The following LYG1 variants were observed in gnomAD, a reference collection of about 807,000 sequenced individuals.
The protein encoded by LYG1 is lysozyme g-like protein 1.
Under a neutral mutation model 21.7 loss-of-function variants are expected in LYG1, and 17 were observed. The ratio of observed to expected loss-of-function variants is 0.78; its 90% confidence interval spans 0.54 to 1.18. The LOEUF is 1.18. Ranked by LOEUF, LYG1 falls within the 50% of genes most tolerant of loss-of-function variation. The pLI is 0.00. For synonymous variants in LYG1, 81 were observed against 87.4 expected, an observed-to-expected ratio of 0.93 and a Z score of 0.41; for missense variants, 211 against 238.1, an observed-to-expected ratio of 0.89 and a Z score of 0.75.
Position 99,292,985 on chromosome 2 carries a change from CTT to C in LYG1, c.44-347_44-346del, listed in dbSNP as rs70940159. On this transcript the variant is annotated intron_variant, in intron 3 of 6. Transcript: ENST00000308528. ...TCCCTGTAAAGTAGTCCTCATCTTA[CTT>C]TTTTTTTTTTTTTTTTTTTTTTGAG... is the stretch of plus-strand genomic sequence containing the variant. 4.8e-5 allele frequency among the ~76,000 whole-genome samples: 4 copies of C among 83,158 alleles called. No individual in the cohort carries two copies. The Admixed American group carries it at 5.5e-4, about 12-fold the overall frequency. 54.6% of individuals were successfully genotyped at this position (83,158 alleles called of 152,430 possible). A position where few individuals can be genotyped will look rare whatever the true frequency, so the allele number is the denominator to read the frequency against.
chr2:99,292,529 TAGCTACCAC>T lies in LYG1; in HGVS notation c.146_148+6del. 1 of 1,607,234 alleles carries T rather than the reference TAGCTACCAC, an allele frequency of 6.2e-7. No individual in the cohort carries two copies. The highest frequency in any genetic ancestry group is 1.1e-5 in the South Asian group (1 of 90,958). ...GATAGGTTGAGAGGGCGAAAGCTCATAGCTACCACAGTAGTTCAGGCCGTGACGTCTTCC... is the reference window on the plus strand; with the variant it reads ...GATAGGTTGAGAGGGCGAAAGCTCATAGTAGTTCAGGCCGTGACGTCTTCC... On this transcript the variant is annotated splice_donor_variant and splice_donor_5th_base_variant and coding_sequence_variant and intron_variant, in exon 4 of 7. Transcript: ENST00000308528. LOFTEE classifies it high-confidence loss of function.
At chr2:99,303,267 T>TC (rs2094159502), upstream of LYG1, among the ~76,000 whole-genome samples, 1 of 151,978 alleles carries the variant, frequency 6.6e-6, no homozygotes, top group South Asian at 2.1e-4. Flanking sequence ...TTTTATTTTT[T>TC]CCACCAAGCT....
intron 5 of LYG1, among the ~76,000 whole-genome samples, chr2:99,289,866 T>G (rs975301992): frequency 6.6e-6 from 1 of 151,992 alleles, no homozygotes; most frequent in Non-Finnish European, 1.5e-5. Context: ...TTGTTGTTGT[T>G]GTTGTTTTTT....
At chr2:99,304,200 G>A (rs1424766233), upstream of LYG1, among the ~76,000 whole-genome samples, 1 of 151,420 alleles carries the variant, frequency 6.6e-6, no homozygotes, top group African/African-American at 2.4e-5. Context: ...CTTGTGTTGT[G>A]GGAGGGACCC....
At chr2:99,294,626 C>G (rs1348308563) in intron 3 of LYG1, among the ~76,000 whole-genome samples, 1 of 152,168 alleles carries the variant, frequency 6.6e-6, no homozygotes, top group Non-Finnish European at 1.5e-5. Context: ...CTCTCCCTAG[C>G]CACACTCTAT....
intron 2 of LYG1, among the ~76,000 whole-genome samples, chr2:99,296,754 T>C (rs2094137814): frequency 6.6e-6 from 1 of 152,228 alleles, no homozygotes; most frequent in African/African-American, 2.4e-5. Flanking sequence ...CACTTGGTAC[T>C]TTCATAATGC....
upstream of LYG1, among the ~76,000 whole-genome samples, chr2:99,303,329 T>G (rs2094159586): frequency 6.6e-6 from 1 of 152,118 alleles, no homozygotes; most frequent in African/African-American, 2.4e-5. Flanking sequence ...AATCTGGGGA[T>G]GCCCAGCTCC....
At chr2:99,288,796 C>T (rs1443950716) in intron 5 of LYG1, among the ~76,000 whole-genome samples, 1 of 152,110 alleles carries the variant, frequency 6.6e-6, no homozygotes, top group Non-Finnish European at 1.5e-5. Flanking sequence ...TTTCAAACTC[C>T]TGACCTCAAA....
At position 99,284,674 on chromosome 2, in the gene LYG1, A is replaced by G; in HGVS notation, c.466+14T>C. The G allele has an allele frequency of 6.2e-7, 1 of 1,610,938 alleles. No individual in the cohort carries two copies. The highest frequency in any genetic ancestry group is 8.5e-7 in the Non-Finnish European group (1 of 1,177,594). ...TCTGTGCTTGAGACAACTGACTGAT[A>G]GCGTTACACGTACCTCTCAGGTACT... On this transcript the variant is annotated intron_variant, in intron 6 of 6. Coordinates refer to ENST00000308528, the MANE Select transcript of LYG1 (RefSeq NM_174898.3).
At chr2:99,288,588 A>C (rs2094108976) in intron 5 of LYG1, among the ~76,000 whole-genome samples, 1 of 151,970 alleles carries the variant, frequency 6.6e-6, no homozygotes, top group South Asian at 2.1e-4. Flanking sequence ...ATATTGTTAG[A>C]GGTAGGGTCC....
intron 5 of LYG1, among the ~76,000 whole-genome samples, chr2:99,289,113 C>T (rs910122430): frequency 6.6e-6 from 1 of 152,056 alleles, no homozygotes; most frequent in African/African-American, 2.4e-5. Context: ...ACAAGAGCTC[C>T]AGGTGTTCAT....
At chr2:99,303,033 A>T (rs550463701), upstream of LYG1, among the ~76,000 whole-genome samples, 3 of 149,052 alleles carry the variant, frequency 2.0e-5, no homozygotes, top group Non-Finnish European at 4.5e-5. Flanking sequence ...AAAAAAAAGA[A>T]GATTTTGTTT....
At chr2:99,292,464 A>G (rs2094122291) in intron 4 of LYG1, 72 bp downstream of exon 4, 2 of 1,149,898 alleles carry the variant, frequency 1.7e-6, no homozygotes, top group Non-Finnish European at 2.6e-6. Context: ...TCTTTCCAAC[A>G]CTCAGTAGCG....
chr2:99,302,001 C>T (rs552366556), upstream of LYG1, among the ~76,000 whole-genome samples: 8 of 152,304 alleles, frequency 5.3e-5, no homozygotes, highest in South Asian at 1.7e-3. Context: ...AGGGAGCCCC[C>T]TCCCTCACCA....
At chr2:99,288,629 C>T (rs1169603635) in intron 5 of LYG1, among the ~76,000 whole-genome samples, 1 of 152,098 alleles carries the variant, frequency 6.6e-6, no homozygotes, top group Non-Finnish European at 1.5e-5. Context: ...AGTGCAGTGG[C>T]GTGATTTCAG....
upstream of LYG1, among the ~76,000 whole-genome samples, chr2:99,301,405 AAGAG>A (rs1209015096): frequency 9.4e-5 from 14 of 149,010 alleles, no homozygotes; most frequent in African/African-American, 3.0e-4. Context: ...GAGAGAGAGA[AAGAG>A]AGAGAGAGTG....
At position 99,292,716 on chromosome 2, in the gene LYG1, T is replaced by A. The variant is rs1277424730; in HGVS notation, c.44-76A>T. ...TCTTCTGTCCATGAATAAAATTACA[T>A]TAATAAAAGTAACAATAATAAAATC... On this transcript the variant is annotated intron_variant, in intron 3 of 6. Coordinates refer to ENST00000308528, the MANE Select transcript of LYG1 (RefSeq NM_174898.3). The A allele has an allele frequency of 9.0e-6, 8 of 884,776 alleles. No individual in the cohort carries two copies. The Admixed American group carries it at 1.2e-4, about 13-fold the overall frequency. 54.8% of individuals were successfully genotyped at this position (884,776 alleles called of 1,614,324 possible).
chr2:99,296,728 G>A (rs1322078830), intron 2 of LYG1, among the ~76,000 whole-genome samples: 1 of 152,212 alleles, frequency 6.6e-6, no homozygotes, highest in Admixed American at 6.5e-5. Context: ...ATGTAGGAAT[G>A]TGCATATAAA....
chr2:99,289,909 A>G (rs760471858), intron 5 of LYG1, among the ~76,000 whole-genome samples: 4 of 151,576 alleles, frequency 2.6e-5, no homozygotes, highest in Non-Finnish European at 5.9e-5. Context: ...CCCAGGCTGG[A>G]GTGTAGTGGC....
Sources: allele counts gnomAD v4.1 joint callset (sites outside exome capture counted in the v4.1 genomes callset), GRCh38; gene constraint gnomAD v4.1.1; transcripts MANE v1.5; gene names NCBI Gene and HGNC (gene_info 2026-07-23, HGNC 2026-07-21).